Variants in CDC42BPA observed in about 807,000 individuals in gnomAD.
CDC42BPA encodes the protein CDC42 binding protein kinase alpha.
In CDC42BPA, 80 loss-of-function variants were observed where a neutral mutation model predicts 223.5. The observed-to-expected ratio is 0.36, with a 90% CI of 0.30 to 0.43. The LOEUF is 0.43. Among genes scored for constraint, CDC42BPA ranks in the 20% least tolerant of loss-of-function variants. The probability of loss-of-function intolerance (pLI) is 1.00; values close to 1 mark genes in which losing one functional copy is unlikely to be tolerated. For missense variants in CDC42BPA, 1,743 were observed against 2,099.9 expected (o/e 0.83, Z 3.32); for synonymous variants, 694 against 718.6 (o/e 0.97, Z 0.55).
chr1:227,234,039 TA>T (rs1473411318), intron 2 of CDC42BPA, among the ~76,000 whole-genome samples: 1 of 152,198 alleles, frequency 6.6e-6, no homozygotes, highest in Non-Finnish European at 1.5e-5. Flanking sequence ...AACATGTCCT[TA>T]AAATATTTTT....
intron 15 of CDC42BPA, among the ~76,000 whole-genome samples, chr1:227,098,697 T>TA (rs1163250709): frequency 6.6e-6 from 1 of 151,784 alleles, no homozygotes; most frequent in Non-Finnish European, 1.5e-5. Flanking sequence ...AAACCCTTCT[T>TA]ATCCCTTTTG....
chr1:227,240,102 T>C (rs1038189999), intron 2 of CDC42BPA, among the ~76,000 whole-genome samples: 4 of 152,106 alleles, frequency 2.6e-5, no homozygotes, highest in African/African-American at 9.7e-5. Context: ...TAAAGTCTGA[T>C]ACAAAAATCA....
At chr1:227,210,857 T>G (rs79896696) in intron 3 of CDC42BPA, among the ~76,000 whole-genome samples, 14,981 of 152,250 alleles carry the variant, frequency 0.098, 876 homozygotes, top group Middle Eastern at 0.17. Context: ...CAAGGCCATG[T>G]CCTTCAGGGG....
intron 3 of CDC42BPA, 71 bp from the exon 4 acceptor site, chr1:227,199,723 G>T: frequency 1.3e-6 from 1 of 746,152 alleles, no homozygotes; most frequent in South Asian, 1.6e-5. Flanking sequence ...GAATTACTAT[G>T]TTTATTATAT....
chr1:227,112,973 C>A, intron 12 of CDC42BPA, 60 bp from the exon 13 acceptor site: 1 of 1,555,528 alleles, frequency 6.4e-7, no homozygotes, highest in South Asian at 1.2e-5. Context: ...CCAAATTTGG[C>A]CATCAGAATA....
intron 11 of CDC42BPA, among the ~76,000 whole-genome samples, chr1:227,127,656 T>C (rs1656111693): frequency 6.6e-6 from 1 of 152,196 alleles, no homozygotes; most frequent in Non-Finnish European, 1.5e-5. Flanking sequence ...CATGATTCAC[T>C]TATCATGTTC....
Position 227,122,387 on chromosome 1 carries a change from T to C in CDC42BPA, c.1514-2450A>G, listed in dbSNP as rs550831942. Reference sequence around the variant, plus strand: ...TTCAACAGCTCTGAGAAACAAAAAATTCAGTATTTCATAAAATTTCTCTAC... The same window carrying C: ...TTCAACAGCTCTGAGAAACAAAAAACTCAGTATTTCATAAAATTTCTCTAC... On this transcript the variant is annotated intron_variant, in intron 11 of 36. Transcript: ENST00000366766. 1.8e-4 allele frequency among the ~76,000 whole-genome samples: 27 copies of C among 152,306 alleles called. No individual in the cohort carries two copies. In the South Asian group the frequency reaches 5.4e-3, roughly 30 times the overall value.
At chr1:227,074,901 C>T (rs1487917109) in intron 17 of CDC42BPA, among the ~76,000 whole-genome samples, 2 of 152,142 alleles carry the variant, frequency 1.3e-5, no homozygotes, top group African/African-American at 4.8e-5. Context: ...TCTACCAAAA[C>T]CTAATTTCTA....
intron 16 of CDC42BPA, among the ~76,000 whole-genome samples, chr1:227,086,820 A>C (rs1193771387): frequency 6.6e-6 from 1 of 151,564 alleles, no homozygotes; most frequent in Non-Finnish European, 1.5e-5. Context: ...GGCATGCACC[A>C]CCTCACCCAG....
chr1:227,094,770 T>C (rs185478129), intron 15 of CDC42BPA, among the ~76,000 whole-genome samples: 17 of 152,344 alleles, frequency 1.1e-4, no homozygotes, highest in African/African-American at 2.9e-4. Flanking sequence ...GGCTGAGTAA[T>C]TGAAGCCTGG....
chr1:227,222,782 G>A (rs2147878019), intron 2 of CDC42BPA, among the ~76,000 whole-genome samples: 1 of 152,338 alleles, frequency 6.6e-6, no homozygotes, highest in East Asian at 1.9e-4. Context: ...GTATTTTGGG[G>A]TCATCATACA....
At chr1:227,188,961 T>G (rs1572230379) in intron 5 of CDC42BPA, among the ~76,000 whole-genome samples, 1 of 151,458 alleles carries the variant, frequency 6.6e-6, no homozygotes, top group South Asian at 2.1e-4. Flanking sequence ...TGGGCGGGAG[T>G]AGATATAAGG....
chr1:227,004,095 C>T (rs886263514), intron 35 of CDC42BPA: 12 of 148,430 alleles, frequency 8.1e-5, no homozygotes, highest in African/African-American at 2.5e-4. Flanking sequence ...TTTGGACATG[C>T]GTGGAATGTC....
intron 31 of CDC42BPA, among the ~76,000 whole-genome samples, chr1:227,024,176 G>A (rs913993979): frequency 3.9e-5 from 6 of 152,106 alleles, no homozygotes; most frequent in Non-Finnish European, 7.4e-5. Flanking sequence ...GCATGACCAG[G>A]CATTTTATGG....
At chr1:227,022,836 A>C (rs1030542872) in intron 32 of CDC42BPA, among the ~76,000 whole-genome samples, 29 of 152,150 alleles carry the variant, frequency 1.9e-4, no homozygotes, top group Non-Finnish European at 3.2e-4. Context: ...TCCTATGCTG[A>C]CATCACCACT....
intron 2 of CDC42BPA, among the ~76,000 whole-genome samples, chr1:227,252,429 G>A (rs1338244725): frequency 6.6e-6 from 1 of 152,118 alleles, no homozygotes; most frequent in Non-Finnish European, 1.5e-5. Flanking sequence ...TCTGGTCTCA[G>A]AGGCTTCACC....
intron 1 of CDC42BPA, among the ~76,000 whole-genome samples, chr1:227,260,408 G>A (rs910230068): frequency 6.6e-6 from 1 of 150,958 alleles, no homozygotes; most frequent in South Asian, 2.1e-4. Flanking sequence ...ACCTTGCAAG[G>A]TACATCTTTC....
intron 8 of CDC42BPA, 57 bp downstream of exon 8, chr1:227,145,432 T>C (rs947325483): frequency 2.7e-6 from 4 of 1,503,274 alleles, no homozygotes; most frequent in Admixed American, 2.0e-5. Context: ...AAAATTACTA[T>C]ATAACCATAG....
chr1:227,164,897 G>A (rs1002748364), intron 5 of CDC42BPA, among the ~76,000 whole-genome samples: 7 of 152,112 alleles, frequency 4.6e-5, no homozygotes, highest in Admixed American at 2.0e-4. Context: ...ATAATCTTAT[G>A]TTATATATTA....
Sources: allele counts gnomAD v4.1 joint callset (sites outside exome capture counted in the v4.1 genomes callset), GRCh38; gene constraint gnomAD v4.1.1; transcripts MANE v1.5; gene names NCBI Gene and HGNC (gene_info 2026-07-23, HGNC 2026-07-21).